Variants in MAGI3 observed in about 807,000 individuals in gnomAD.
The protein encoded by MAGI3 is membrane-associated guanylate kinase, WW and PDZ domain-containing protein 3.
Under a neutral mutation model 121.8 loss-of-function variants are expected in MAGI3, and 43 were observed. The ratio of observed to expected loss-of-function variants is 0.35; its 90% confidence interval spans 0.28 to 0.46. MAGI3 has a LOEUF of 0.46. Among genes scored for constraint, MAGI3 ranks in the 20% least tolerant of loss-of-function variants. The pLI is 1.00. For synonymous variants in MAGI3, 553 were observed against 639.3 expected (o/e 0.86, Z 2.04); for missense variants, 1,547 against 1,797.3 (o/e 0.86, Z 2.52).
rs1401617730 is a variant in MAGI3, at chr1:113,594,478, C to T, written c.939-3C>T. On this transcript the variant is annotated splice_region_variant and splice_polypyrimidine_tract_variant and intron_variant, in intron 5 of 20. Coordinates refer to ENST00000307546, the MANE Select transcript of MAGI3 (RefSeq NM_001142782.2). Reference sequence around the variant, plus strand: ...GTTTCTAATTAAAATCTTTATTCTACAGCCACAATACCAAGACAACCACCT... The same window carrying T: ...GTTTCTAATTAAAATCTTTATTCTATAGCCACAATACCAAGACAACCACCT... The T allele has an allele frequency of 1.2e-6, 2 of 1,606,660 alleles. No individual in the cohort carries two copies. The highest frequency in any genetic ancestry group is 2.2e-5 in the East Asian group (1 of 44,778).
rs1480792697 is a variant in MAGI3 at position 113,464,090 on chromosome 1, G to A, written c.316+72741G>A. 3.9e-5 allele frequency among the ~76,000 whole-genome samples: 6 copies of A among 151,956 alleles called. No individual in the cohort carries two copies. In the South Asian group the frequency reaches 1.2e-3, roughly 32 times the overall value. On this transcript the variant is annotated intron_variant, in intron 1 of 20. Coordinates refer to ENST00000307546, the MANE Select transcript of MAGI3 (RefSeq NM_001142782.2). ...CACCCTACTGATCTATCAAAGAGTAGGTCTTATTTCTTCTATCAAACCATA... is the reference window on the plus strand; with the variant it reads ...CACCCTACTGATCTATCAAAGAGTAAGTCTTATTTCTTCTATCAAACCATA...
intron 6 of MAGI3, among the ~76,000 whole-genome samples, chr1:113,610,220 G>T (rs946781283): frequency 2.0e-5 from 3 of 151,888 alleles, no homozygotes. Context: ...TGCAAGCTCC[G>T]CCTCCTGGGT....
At chr1:113,677,297 C>T (rs1049730894) in intron 19 of MAGI3, among the ~76,000 whole-genome samples, 7 of 152,114 alleles carry the variant, frequency 4.6e-5, no homozygotes, top group African/African-American at 1.4e-4. Flanking sequence ...ATGTATTTTC[C>T]TACACAACAT....
chr1:113,652,071 T>C (rs1188446307), intron 14 of MAGI3, among the ~76,000 whole-genome samples: 1 of 152,218 alleles, frequency 6.6e-6, no homozygotes, highest in Non-Finnish European at 1.5e-5. Context: ...AACAAATAAC[T>C]GGTAAGAGGT....
chr1:113,486,887 T>G (rs1163403132), intron 1 of MAGI3, among the ~76,000 whole-genome samples: 1 of 152,094 alleles, frequency 6.6e-6, no homozygotes, highest in Non-Finnish European at 1.5e-5. Flanking sequence ...TTAATTTTTT[T>G]GTGTGTGGCA....
chr1:113,671,686 C>T (rs1242591749), intron 16 of MAGI3, 48 bp from the exon 17 acceptor site: 3 of 1,587,590 alleles, frequency 1.9e-6, no homozygotes, highest in Admixed American at 1.7e-5. Flanking sequence ...TTGGCCTTCA[C>T]ATTTTTATGT....
chr1:113,479,407 G>C (rs1318387159), intron 1 of MAGI3, among the ~76,000 whole-genome samples: 1 of 152,074 alleles, frequency 6.6e-6, no homozygotes, highest in African/African-American at 2.4e-5. Flanking sequence ...TCTTCTTCCT[G>C]TACTTTAAAT....
intron 1 of MAGI3, among the ~76,000 whole-genome samples, chr1:113,435,096 G>A (rs1053988672): frequency 8.6e-5 from 13 of 151,932 alleles, no homozygotes; most frequent in African/African-American, 2.9e-4. Flanking sequence ...TCTTTTCTTG[G>A]TTATTCACTT....
rs376052051 is a variant in MAGI3, at chr1:113,416,237, TA to T, written c.316+24890del. 7.3e-4 allele frequency among the ~76,000 whole-genome samples: 65 copies of T among 89,454 alleles called. 9 individuals carry two copies. The highest frequency in any genetic ancestry group is 8.3e-4 in the African/African-American group (24 of 28,848). 58.7% of individuals were successfully genotyped at this position (89,454 alleles called of 152,430 possible). On this transcript the variant is annotated intron_variant, in intron 1 of 20. Coordinates refer to ENST00000307546, the MANE Select transcript of MAGI3 (RefSeq NM_001142782.2). ...ATTATGTGTAATTAATGACACATAT[TA>T]ATTATGTAATTAATTACACATATTA...
At chr1:113,572,072 A>G (rs999442431) in intron 2 of MAGI3, among the ~76,000 whole-genome samples, 4 of 152,174 alleles carry the variant, frequency 2.6e-5, no homozygotes, top group African/African-American at 7.2e-5. Context: ...TGTTCCATCA[A>G]TGCCCAGTTT....
In MAGI3 at chr1:113,626,270, T is replaced by G. The variant is rs1203120181; in HGVS notation, c.1360+3276T>G. Among the ~76,000 whole-genome samples, 3 of 152,262 alleles carry G rather than the reference T, an allele frequency of 2.0e-5. No homozygotes were observed. In the East Asian group the frequency reaches 5.8e-4, roughly 29 times the overall value. On this transcript the variant is annotated intron_variant, in intron 9 of 20. Transcript: ENST00000307546. ...TGTTGATACCATGTATCACACTGAT[T>G]ATTTGCATATATTGTACCATCCTTG...
chr1:113,618,591 C>T (rs747122582), intron 7 of MAGI3: 7 of 426,502 alleles, frequency 1.6e-5, no homozygotes, highest in East Asian at 7.4e-5. Flanking sequence ...CTGCAACCTC[C>T]GCCTCCTGGG....
intron 2 of MAGI3, among the ~76,000 whole-genome samples, chr1:113,564,767 T>C (rs1264662578): frequency 6.6e-6 from 1 of 152,090 alleles, no homozygotes; most frequent in East Asian, 1.9e-4. Flanking sequence ...TCATTTAAAA[T>C]TTGAAAGATA....
At chr1:113,646,392 A>G in intron 11 of MAGI3, 94 bp from the exon 12 acceptor site, 1 of 1,015,394 alleles carries the variant, frequency 9.8e-7, no homozygotes, top group Non-Finnish European at 1.4e-6. Context: ...TACAACTATA[A>G]TCAGTTGACA....
intron 1 of MAGI3, among the ~76,000 whole-genome samples, chr1:113,433,382 T>C (rs762798515): frequency 1.3e-5 from 2 of 152,214 alleles, no homozygotes; most frequent in African/African-American, 2.4e-5. Context: ...TACTCCTGAG[T>C]CATTAAATAG....
intron 1 of MAGI3, among the ~76,000 whole-genome samples, chr1:113,491,542 A>ATATG (rs1338970573): frequency 1.3e-5 from 2 of 152,180 alleles, no homozygotes; most frequent in Non-Finnish European, 2.9e-5. Context: ...GAACTGAAGG[A>ATATG]TATGGAGACA....
chr1:113,504,797 A>G (rs973515811), intron 1 of MAGI3, among the ~76,000 whole-genome samples: 1 of 152,168 alleles, frequency 6.6e-6, no homozygotes, highest in Non-Finnish European at 1.5e-5. Flanking sequence ...TACAAACAAA[A>G]TAATGCTTAT....
At position 113,646,650 on chromosome 1, in the gene MAGI3, G is replaced by A. The variant is rs1250046034; in HGVS notation, c.2155+8G>A. 4 of 1,576,768 alleles carry A rather than the reference G, an allele frequency of 2.5e-6. No individual in the cohort carries two copies. Among genetic ancestry groups the A allele is most frequent in the Non-Finnish European group, 3.4e-6 (4 of 1,161,186 alleles). On this transcript the variant is annotated splice_region_variant and intron_variant, in intron 12 of 20. Transcript: ENST00000307546. Reference sequence around the variant, plus strand: ...CTTTATATGAAGATAAACGTAAGTAGTTGTGGAATATTTCAGGAGAGCATA... The same window carrying A: ...CTTTATATGAAGATAAACGTAAGTAATTGTGGAATATTTCAGGAGAGCATA...
At chr1:113,636,142 T>C (rs1217195) in intron 9 of MAGI3, among the ~76,000 whole-genome samples, 79,894 of 151,504 alleles carry the variant, frequency 0.53, 22,991 homozygotes, top group African/African-American at 0.77. Context: ...GTCTTGCTAG[T>C]GGTCGATCAA....
Sources: allele counts gnomAD v4.1 joint callset (sites outside exome capture counted in the v4.1 genomes callset), GRCh38; gene constraint gnomAD v4.1.1; transcripts MANE v1.5; gene names NCBI Gene and HGNC (gene_info 2026-07-23, HGNC 2026-07-21).